Variants in CCDC159 observed in about 807,000 individuals in gnomAD.
CCDC159 encodes the protein coiled-coil domain-containing protein 159.
In CCDC159, 40 loss-of-function variants were observed where a neutral mutation model predicts 50.9. The observed-to-expected ratio is 0.79, with a 90% CI of 0.61 to 1.02. The LOEUF (loss-of-function observed/expected upper bound fraction) is 1.02. Among genes scored for constraint, CCDC159 ranks in the 50% least tolerant of loss-of-function variants. The pLI, the probability that CCDC159 is intolerant of heterozygous loss-of-function variation, is 0.00. For synonymous variants in CCDC159, 146 were observed against 138.9 expected, an observed-to-expected ratio of 1.05 and a Z score of -0.36; for missense variants, 356 against 371.5, an observed-to-expected ratio of 0.96 and a Z score of 0.34.
Position 11,352,075 on chromosome 19 carries a change from T to G in CCDC159, c.509T>G (p.Ile170Ser). Residue 170 changes from isoleucine to serine, a missense_variant, in exon 7 of 11, where the codon ATC (isoleucine) becomes AGC (serine). Transcript: ENST00000458408. ...YQKLQAQEDE[I>S]SENLVNIQKM... ...TCCACAGAAGCGCAGGAGGATGAGATCTCAGAGAACTTGGTGAACATTCAG... is the reference window on the plus strand; with the variant it reads ...TCCACAGAAGCGCAGGAGGATGAGAGCTCAGAGAACTTGGTGAACATTCAG... 1 of 1,612,594 alleles carries G rather than the reference T, an allele frequency of 6.2e-7. No individual in the cohort carries two copies. Among genetic ancestry groups the G allele is most frequent in the Non-Finnish European group, 8.5e-7 (1 of 1,179,232 alleles).
In CCDC159 at chr19:11,354,865, C is replaced by T; in HGVS notation, c.890-8C>T. ...GGCCAGGCCCTGACCCACCCTCTCT[C>T]TCCACAGCTTGAGCAGCCGGGACTG... On this transcript the variant is annotated splice_polypyrimidine_tract_variant and splice_region_variant and intron_variant, in intron 10 of 10. Coordinates refer to ENST00000458408, the MANE Select transcript of CCDC159 (RefSeq NM_001080503.3). 1.2e-6 allele frequency: 2 copies of T among 1,613,486 alleles called. No homozygotes were observed. Among genetic ancestry groups the T allele is most frequent in the Non-Finnish European group, 1.7e-6 (2 of 1,179,868 alleles).
At chr19:11,352,729 A>G (rs1353151542) in intron 7 of CCDC159, among the ~76,000 whole-genome samples, 1 of 152,072 alleles carries the variant, frequency 6.6e-6, no homozygotes, top group African/African-American at 2.4e-5. Context: ...CCAGAAGTTC[A>G]AGACCAGCCT....
At chr19:11,351,881 G>C (rs764622173) in intron 5 of CCDC159, 25 bp from the exon 6 acceptor site, 2 of 1,571,062 alleles carry the variant, frequency 1.3e-6, no homozygotes, top group African/African-American at 1.4e-5. Flanking sequence ...AGGGAGTGCA[G>C]GTCTAGGCTG....
intron 9 of CCDC159, 37 bp from the exon 10 acceptor site, chr19:11,354,543 T>C (rs1699069425): frequency 1.3e-6 from 2 of 1,539,530 alleles, no homozygotes; most frequent in South Asian, 2.4e-5. Context: ...TGGGGGTTAC[T>C]TGAGGGTCAC....
chr19:11,348,107 T>G, intron 1 of CCDC159: 1 of 456,360 alleles, frequency 2.2e-6, no homozygotes, highest in Non-Finnish European at 4.4e-6. Context: ...ATAGAGCATG[T>G]GATTCCACAC....
chr19:11,353,766 G>A lies in CCDC159; in HGVS notation c.690-26G>A, dbSNP rs369884820. ...CCTGAGCAGTGTGGAGTCTCCCAGC[G>A]CCCCCAGCTCCTTGTCTTCTTGCAG... On this transcript the variant is annotated intron_variant, in intron 8 of 10. Coordinates refer to ENST00000458408, the MANE Select transcript of CCDC159 (RefSeq NM_001080503.3). The A allele has an allele frequency of 1.8e-4, 277 of 1,575,862 alleles. 1 individual carries two copies. Among genetic ancestry groups the A allele is most frequent in the Middle Eastern group, 3.4e-4 (2 of 5,876 alleles).
Position 11,354,867 on chromosome 19 carries a change from C to G in CCDC159, c.890-6C>G. ...CCAGGCCCTGACCCACCCTCTCTCT[C>G]CACAGCTTGAGCAGCCGGGACTGCT... is the stretch of plus-strand genomic sequence containing the variant. On this transcript the variant is annotated splice_polypyrimidine_tract_variant and splice_region_variant and intron_variant, in intron 10 of 10. Transcript: ENST00000458408. 1 of 1,613,494 alleles carries G rather than the reference C, an allele frequency of 6.2e-7. No homozygotes were observed. Among genetic ancestry groups the G allele is most frequent in the Non-Finnish European group, 8.5e-7 (1 of 1,179,836 alleles).
chr19:11,352,109 G>GA lies in CCDC159; in HGVS notation c.547dup (p.Thr183AsnfsTer18). ...ACTTGGTGAACATTCAGAAAATGCA[G>GA]AAAACGCAGGTGAAATGCCGCAAAG... On this transcript the variant is annotated frameshift_variant, in exon 7 of 11. Coordinates refer to ENST00000458408, the MANE Select transcript of CCDC159 (RefSeq NM_001080503.3). LOFTEE classifies it high-confidence loss of function. The GA allele has an allele frequency of 6.2e-7, 1 of 1,613,758 alleles. No individual in the cohort carries two copies. Among genetic ancestry groups the GA allele is most frequent in the Non-Finnish European group, 8.5e-7 (1 of 1,179,844 alleles).
chr19:11,352,586 A>G (rs1398559978), intron 7 of CCDC159: 1 of 154,500 alleles, frequency 6.5e-6, no homozygotes, highest in African/African-American at 2.4e-5. Flanking sequence ...ACCCTGGGCG[A>G]CAAGAGCAAA....
At chr19:11,350,558 A>T (rs904772659) in intron 4 of CCDC159, among the ~76,000 whole-genome samples, 1 of 152,084 alleles carries the variant, frequency 6.6e-6, no homozygotes, top group Non-Finnish European at 1.5e-5. Context: ...GAGGCTGAGA[A>T]AGGAGAATTG....
chr19:11,348,213 A>T lies in CCDC159; in HGVS notation c.22-1441A>T, dbSNP rs983396362. The T allele has an allele frequency of 4.7e-5, 21 of 447,780 alleles. No individual in the cohort carries two copies. The Admixed American group carries it at 5.2e-4, about 11-fold the overall frequency. The allele number at this position is 447,780 out of a possible 1,614,324, so 27.7% of individuals were successfully genotyped here. On this transcript the variant is annotated intron_variant, in intron 1 of 10. Transcript: ENST00000458408. ...TTTCTTTGGACTCTTCTGAGGCCTG[A>T]TTTTTTTTCTTTGGGGCCTTCTGGG...
chr19:11,348,033 C>T, intron 1 of CCDC159: 1 of 435,250 alleles, frequency 2.3e-6, no homozygotes, highest in Non-Finnish European at 4.6e-6. Flanking sequence ...CTTACTGGAG[C>T]TGCTCTGCTA....
intron 7 of CCDC159, 181 bp downstream of exon 7, chr19:11,352,314 A>G (rs1452440767): frequency 3.1e-6 from 2 of 643,696 alleles, no homozygotes; most frequent in African/African-American, 1.8e-5. Flanking sequence ...TGTATAATGG[A>G]TGTAATAATA....
At position 11,353,773 on chromosome 19, in the gene CCDC159, G is replaced by C; in HGVS notation, c.690-19G>C. 7 of 1,584,542 alleles carry C rather than the reference G, an allele frequency of 4.4e-6. No individual in the cohort carries two copies. The highest frequency in any genetic ancestry group is 2.3e-5 in the South Asian group (2 of 86,916). On this transcript the variant is annotated intron_variant, in intron 8 of 10. Coordinates refer to ENST00000458408, the MANE Select transcript of CCDC159 (RefSeq NM_001080503.3). ...AGTGTGGAGTCTCCCAGCGCCCCCA[G>C]CTCCTTGTCTTCTTGCAGGTCTGCT...
At chr19:11,348,569 G>A (rs962904988) in intron 1 of CCDC159, among the ~76,000 whole-genome samples, 3 of 152,138 alleles carry the variant, frequency 2.0e-5, no homozygotes, top group African/African-American at 4.8e-5. Flanking sequence ...GATTACAGGC[G>A]TGAGCCACCA....
intron 1 of CCDC159, 143 bp from the exon 2 acceptor site, chr19:11,349,511 G>A (rs1599381170): frequency 9.9e-7 from 1 of 1,008,272 alleles, no homozygotes; most frequent in Admixed American, 2.1e-5. Flanking sequence ...TATGCCTGGA[G>A]TGCAGCTTTG....
chr19:11,350,274 G>T, intron 4 of CCDC159, 75 bp downstream of exon 4: 1 of 1,315,586 alleles, frequency 7.6e-7, no homozygotes, highest in Admixed American at 2.0e-5. Context: ...AGCATTTGGG[G>T]AGGCCAAAGA....
At position 11,346,613 on chromosome 19, in the gene CCDC159, G is replaced by C. The variant is rs944158089; in HGVS notation, c.7G>C (p.Glu3Gln). ...ACTGGCTTCGTGGTCCCTGATGGGA[G>C]AGCATGAACAGGTGGTATGTGGTAG... The part of the protein sequence containing the change: MG[E>Q]HEQVKPLETS... Residue 3 changes from glutamate to glutamine, a missense_variant, in exon 1 of 11, where the codon GAG becomes CAG. By Grantham distance (29) the Glu-to-Gln change is conservative. Coordinates refer to ENST00000458408, the MANE Select transcript of CCDC159 (RefSeq NM_001080503.3). The C allele has an allele frequency of 6.4e-6, 10 of 1,551,540 alleles. No homozygotes were observed. The highest frequency in any genetic ancestry group is 2.4e-5 in the East Asian group (1 of 40,878).
intron 1 of CCDC159, chr19:11,348,084 T>A (rs1169026729): frequency 2.2e-6 from 1 of 453,530 alleles, no homozygotes; most frequent in Non-Finnish European, 4.4e-6. Context: ...TCAGCCATCA[T>A]GAATTTACCA....
Sources: allele counts gnomAD v4.1 joint callset (sites outside exome capture counted in the v4.1 genomes callset), GRCh38; gene constraint gnomAD v4.1.1; transcripts MANE v1.5; gene names NCBI Gene and HGNC (gene_info 2026-07-23, HGNC 2026-07-21).